CNTNAP2: variants seen among roughly 807,000 people sequenced by gnomAD.
CNTNAP2 encodes the protein contactin associated protein 2.
A neutral mutation model predicts 155.2 loss-of-function variants in CNTNAP2; 98 were observed. The observed-to-expected ratio is 0.63, with a 90% CI of 0.54 to 0.75. The LOEUF is 0.75. Ranked by LOEUF, CNTNAP2 falls within the 30% of genes least tolerant of loss-of-function variation. CNTNAP2 has a pLI of 0.00. For synonymous variants in CNTNAP2, 651 were observed against 631.2 expected (o/e 1.03, Z -0.47); for missense variants, 1,727 against 1,688.1 (o/e 1.02, Z -0.40).
chr7:147,787,371 T>C (rs866063133), intron 13 of CNTNAP2, among the ~76,000 whole-genome samples: 1 of 152,202 alleles, frequency 6.6e-6, no homozygotes, highest in African/African-American at 2.4e-5. Context: ...GACAGATTTG[T>C]AGACCCAATT....
intron 1 of CNTNAP2, among the ~76,000 whole-genome samples, chr7:146,557,643 GATCCTACGTGTCTTA>G (rs1798216724): frequency 6.6e-6 from 1 of 151,250 alleles, no homozygotes; most frequent in African/African-American, 2.5e-5. Context: ...AATAAAACTT[GATCCTACGTGTCTTA>G]ATATTCAGTC....
intron 1 of CNTNAP2, among the ~76,000 whole-genome samples, chr7:146,586,404 A>G (rs966705575): frequency 1.3e-5 from 2 of 152,136 alleles, no homozygotes; most frequent in African/African-American, 2.4e-5. Flanking sequence ...ATCTCTACCT[A>G]CTGAAAACTT....
intron 1 of CNTNAP2, among the ~76,000 whole-genome samples, chr7:146,481,114 C>A (rs1796955133): frequency 6.6e-6 from 1 of 152,100 alleles, no homozygotes; most frequent in South Asian, 2.1e-4. Context: ...GGTTTATCAA[C>A]TCATTCCAGC....
At position 147,132,408 on chromosome 7, in the gene CNTNAP2, C is replaced by A. The variant is rs34456867; in HGVS notation, c.1247C>A (p.Ala416Glu). The A allele has an allele frequency of 2.3e-5, 37 of 1,613,544 alleles. No homozygotes were observed. The highest frequency in any genetic ancestry group is 5.5e-5 in the South Asian group (5 of 91,074). ...GGTCTCCTGGTCTTCAGTCACTTTG[C>A]GGATAATTTGGGCAATGTGGAGATT... The part of the protein sequence containing the change: ...PNGLLVFSHF[A>E]DNLGNVEIDL... Residue 416 changes from alanine (A) to glutamate (E), a missense_variant, in exon 8 of 24, where the codon GCG (alanine) becomes GAG (glutamate). Coordinates refer to ENST00000361727, the MANE Select transcript of CNTNAP2 (RefSeq NM_014141.6).
At chr7:146,453,318 A>G (rs1160028502) in intron 1 of CNTNAP2, among the ~76,000 whole-genome samples, 2 of 152,224 alleles carry the variant, frequency 1.3e-5, no homozygotes, top group Admixed American at 6.5e-5. Context: ...GAAAAGTCTC[A>G]TAATTCATGG....
At chr7:146,479,589 A>G (rs1796929764) in intron 1 of CNTNAP2, among the ~76,000 whole-genome samples, 1 of 152,126 alleles carries the variant, frequency 6.6e-6, no homozygotes, top group African/African-American at 2.4e-5. Flanking sequence ...GTGTCTAAAC[A>G]TACAGTGAAC....
In CNTNAP2 at chr7:147,301,590, CTCTGTGTGTGTGTGTG is replaced by C. The variant is rs1371616084; in HGVS notation, c.1498+1302_1498+1317del. Among the ~76,000 whole-genome samples, 326 of 111,618 alleles carry C rather than the reference CTCTGTGTGTGTGTGTG, an allele frequency of 2.9e-3. 3 individuals carry two copies. Among genetic ancestry groups the C allele is most frequent in the South Asian group, 9.2e-3 (25 of 2,710 alleles). 73.2% of individuals were successfully genotyped at this position (111,618 alleles called of 152,430 possible). On this transcript the variant is annotated intron_variant, in intron 9 of 23. Coordinates refer to ENST00000361727, the MANE Select transcript of CNTNAP2 (RefSeq NM_014141.6). ...GTTATATAGCTCTCTCTCTCTCTCT[CTCTGTGTGTGTGTGTG>C]TGTGTGTGTGTGTGTGTGTGTGTGT...
chr7:148,257,936 C>G (rs1404886698), intron 20 of CNTNAP2, among the ~76,000 whole-genome samples: 1 of 151,834 alleles, frequency 6.6e-6, no homozygotes, highest in African/African-American at 2.4e-5. Flanking sequence ...CACACACACA[C>G]ACACACACAC....
intron 2 of CNTNAP2, 59 bp from the exon 3 acceptor site, chr7:146,839,652 A>C (rs1803680756): frequency 6.4e-7 from 1 of 1,561,886 alleles, no homozygotes; most frequent in Non-Finnish European, 8.8e-7. Context: ...TTCCATTGTC[A>C]GTTGTACAAG....
At chr7:146,186,237 A>C (rs1311463624) in intron 1 of CNTNAP2, among the ~76,000 whole-genome samples, 2 of 152,146 alleles carry the variant, frequency 1.3e-5, no homozygotes. Context: ...AATGCCCCCA[A>C]TAAAGAATAG....
chr7:146,218,237 C>T (rs1361516724), intron 1 of CNTNAP2, among the ~76,000 whole-genome samples: 3 of 152,100 alleles, frequency 2.0e-5, no homozygotes, highest in Admixed American at 6.5e-5. Context: ...CGGCCGGGCG[C>T]GGTGGCTCAC....
At chr7:148,216,299 TA>T (rs1032433994) in intron 18 of CNTNAP2, among the ~76,000 whole-genome samples, 2 of 152,202 alleles carry the variant, frequency 1.3e-5, no homozygotes, top group African/African-American at 4.8e-5. Flanking sequence ...AGATACTATT[TA>T]TGGAGTACTA....
intron 3 of CNTNAP2, among the ~76,000 whole-genome samples, chr7:147,000,812 G>T (rs1252389573): frequency 6.6e-6 from 1 of 152,090 alleles, no homozygotes; most frequent in Non-Finnish European, 1.5e-5. Context: ...TGACCTCTGA[G>T]GTCTGCCTGT....
chr7:147,867,159 C>G (rs565639236), intron 13 of CNTNAP2, among the ~76,000 whole-genome samples: 1 of 152,276 alleles, frequency 6.6e-6, no homozygotes, highest in African/African-American at 2.4e-5. Context: ...GACAAAATCT[C>G]TCAGCATTTG....
intron 13 of CNTNAP2, among the ~76,000 whole-genome samples, chr7:147,792,443 T>A (rs1797835000): frequency 6.6e-6 from 1 of 152,160 alleles, no homozygotes; most frequent in African/African-American, 2.4e-5. Flanking sequence ...ATGTGGCATT[T>A]TGTGTCTTGC....
chr7:146,928,904 A>G lies in CNTNAP2; in HGVS notation c.402+89000A>G, dbSNP rs1479694123. On this transcript the variant is annotated intron_variant, in intron 3 of 23. Coordinates refer to ENST00000361727, the MANE Select transcript of CNTNAP2 (RefSeq NM_014141.6). Reference sequence around the variant, plus strand: ...GGGGGAGGGGCGCCTGCCATTGCCCAGGCTTGCTTAGGTAAACAAAGCAGC... The same window carrying G: ...GGGGGAGGGGCGCCTGCCATTGCCCGGGCTTGCTTAGGTAAACAAAGCAGC... Among the ~76,000 whole-genome samples, 5 of 152,326 alleles carry G rather than the reference A, an allele frequency of 3.3e-5. No homozygotes were observed. In the East Asian group the frequency reaches 9.7e-4, roughly 30 times the overall value.
intron 17 of CNTNAP2, among the ~76,000 whole-genome samples, chr7:148,159,629 C>T (rs1805478034): frequency 1.3e-5 from 2 of 152,128 alleles, no homozygotes; most frequent in Non-Finnish European, 2.9e-5. Flanking sequence ...CATTCTCTGC[C>T]ACCTGTGTGA....
chr7:147,507,205 G>T (rs1461666229), intron 11 of CNTNAP2, among the ~76,000 whole-genome samples: 4 of 152,088 alleles, frequency 2.6e-5, no homozygotes, highest in Admixed American at 6.6e-5. Flanking sequence ...CCTAATATTA[G>T]TGTTTGTAGG....
chr7:146,730,868 A>G (rs188882381), intron 1 of CNTNAP2, among the ~76,000 whole-genome samples: 143 of 152,332 alleles, frequency 9.4e-4, no homozygotes, highest in Admixed American at 1.6e-3. Context: ...TGGTTACCAC[A>G]TTGATGAATA....
Sources: gnomAD v4.1 joint callset for allele counts (sites outside exome capture counted in the v4.1 genomes callset) on GRCh38, gnomAD v4.1.1 for gene constraint, MANE v1.5 for transcripts, NCBI Gene and HGNC (gene_info 2026-07-23, HGNC 2026-07-21) for gene names.